TSGA10IP: variants seen among roughly 807,000 people sequenced by gnomAD.
TSGA10IP encodes the protein testis specific 10 interacting protein, also known as testis-specific protein 10-interacting protein.
TSGA10IP carries 64 observed loss-of-function variants against 63.2 expected under a neutral mutation model. The observed-to-expected ratio is 1.01, with a 90% confidence interval of 0.83 to 1.25. TSGA10IP has a LOEUF of 1.25. Among genes scored for constraint, TSGA10IP ranks in the 50% most tolerant of loss-of-function variants. The pLI is 0.00. For synonymous variants in TSGA10IP, 316 were observed against 298.3 expected, an observed-to-expected ratio of 1.06 and a Z score of -0.61; for missense variants, 681 against 710.1, an observed-to-expected ratio of 0.96 and a Z score of 0.47.
chr11:65,947,216 G>T, exon 3 of TSGA10IP: 1 of 1,608,136 alleles, frequency 6.2e-7, no homozygotes, highest in Non-Finnish European at 8.5e-7. Flanking sequence ...CCCAACCCCT[G>T]GCCACCAAGC....
At chr11:65,957,283 T>A (rs1184144949) in intron 5 of TSGA10IP, among the ~76,000 whole-genome samples, 1 of 152,166 alleles carries the variant, frequency 6.6e-6, no homozygotes, top group South Asian at 2.1e-4. Flanking sequence ...CCCAAGTAGC[T>A]GGGATTACAG....
At chr11:65,950,560 AT>A (rs35025045) in intron 4 of TSGA10IP, among the ~76,000 whole-genome samples, 3,271 of 141,836 alleles carry the variant, frequency 0.023, 25 homozygotes, top group Non-Finnish European at 0.026. Context: ...TGCCTGGCTA[AT>A]TTTTTTTTTT....
chr11:65,953,034 T>C (rs1309330), intron 4 of TSGA10IP, among the ~76,000 whole-genome samples: 2,073 of 146,776 alleles, frequency 0.014, 50 homozygotes, highest in African/African-American at 0.05. Context: ...TTCTTTCTTT[T>C]TTTTTTTTTT....
chr11:65,955,649 G>A (rs1344969949), intron 5 of TSGA10IP, among the ~76,000 whole-genome samples: 1 of 152,008 alleles, frequency 6.6e-6, no homozygotes, highest in Non-Finnish European at 1.5e-5. Context: ...GATGCACGAG[G>A]GCACAGGGGC....
chr11:65,953,087 A>G (rs1038808153), intron 4 of TSGA10IP, among the ~76,000 whole-genome samples: 2 of 148,618 alleles, frequency 1.3e-5, no homozygotes, highest in Admixed American at 1.3e-4. Flanking sequence ...CTGGAGTACA[A>G]TGGCGTGGTC....
intron 5 of TSGA10IP, among the ~76,000 whole-genome samples, chr11:65,955,541 A>G (rs1590625928): frequency 6.6e-6 from 1 of 151,296 alleles, no homozygotes; most frequent in Non-Finnish European, 1.5e-5. Flanking sequence ...TGAACCCGGG[A>G]GGCGGAGGTT....
At chr11:65,957,961 T>A (rs1166031897) in intron 5 of TSGA10IP, among the ~76,000 whole-genome samples, 1 of 152,170 alleles carries the variant, frequency 6.6e-6, no homozygotes, top group African/African-American at 2.4e-5. Flanking sequence ...AAACTGGGTT[T>A]TGGGTTTTTT....
Position 65,959,861 on chromosome 11 carries a change from G to A in TSGA10IP, c.1592G>A (p.Arg531Lys), listed in dbSNP as rs1486158859. Residue 531 changes from arginine to lysine, a missense_variant, in exon 8 of 8, where the codon AGG (arginine) becomes AAG (lysine). Physicochemically the swap from Arg to Lys is conservative, Grantham distance 26. Transcript: ENST00000532620. ...GTGAGAATGGAGCACTCTCCTCAGA[G>A]GCCCCCAAGGACAGAACCCACCGGC... 13 of 1,598,882 alleles carry A rather than the reference G, an allele frequency of 8.1e-6. No homozygotes were observed. In the South Asian group the frequency reaches 1.5e-4, roughly 18 times the overall value.
Position 65,947,997 on chromosome 11 carries a change from G to C in TSGA10IP, c.1004-4G>C, listed in dbSNP as rs964102436. The C allele has an allele frequency of 2.6e-6, 4 of 1,557,238 alleles. No individual in the cohort carries two copies. The Admixed American group carries it at 7.8e-5, about 30-fold the overall frequency. ...AGCCCCTGACTTGGTCCCACTGTGG[G>C]CAGGCCCCCAAAAGCTGCCCTGGAA... On this transcript the variant is annotated splice_polypyrimidine_tract_variant and splice_region_variant and intron_variant, in intron 3 of 7. Transcript: ENST00000532620.
At chr11:65,945,974 G>A (rs1854824345) in intron 1 of TSGA10IP, 152 bp downstream of exon 1, 3 of 891,754 alleles carry the variant, frequency 3.4e-6, no homozygotes, top group South Asian at 1.7e-5. Context: ...ACCACAGGGA[G>A]GCCTAAGGGC....
chr11:65,954,197 G>A (rs756027685), intron 5 of TSGA10IP, among the ~76,000 whole-genome samples: 16 of 146,748 alleles, frequency 1.1e-4, no homozygotes, highest in Non-Finnish European at 2.1e-4. Flanking sequence ...ACGGAGTCTC[G>A]CTCTGTCGCC....
exon 1 of TSGA10IP, chr11:65,945,750 C>A: frequency 1.2e-6 from 2 of 1,613,078 alleles, no homozygotes; most frequent in Non-Finnish European, 8.5e-7. Context: ...CAGGGCAGGA[C>A]GTGCGGCTCC....
chr11:65,945,537 G>A (rs1854809050), exon 1 of TSGA10IP: 6 of 913,562 alleles, frequency 6.6e-6, no homozygotes, highest in Non-Finnish European at 9.8e-6. Context: ...CTCTCTCCCA[G>A]AAGGAGATTG....
At chr11:65,947,887 C>A in intron 3 of TSGA10IP, 59 bp downstream of exon 3, 2 of 1,508,056 alleles carry the variant, frequency 1.3e-6, no homozygotes, top group East Asian at 2.5e-5. Flanking sequence ...GAACAGGGAG[C>A]AGTCAGGGAG....
intron 4 of TSGA10IP, among the ~76,000 whole-genome samples, chr11:65,950,383 T>A (rs781302392): frequency 7.9e-5 from 12 of 151,634 alleles, no homozygotes; most frequent in Admixed American, 4.0e-4. Context: ...CTTCTATGAG[T>A]TTGACTTTAT....
At chr11:65,957,387 GA>G (rs1855042885) in intron 5 of TSGA10IP, among the ~76,000 whole-genome samples, 1 of 152,176 alleles carries the variant, frequency 6.6e-6, no homozygotes, top group Non-Finnish European at 1.5e-5. Flanking sequence ...CTGACCTCGA[GA>G]TCTGCCCGCC....
chr11:65,951,877 C>G lies in TSGA10IP; in HGVS notation c.1152-1690C>G, dbSNP rs192250774. Among the ~76,000 whole-genome samples the G allele has an allele frequency of 1.9e-3, 286 of 148,218 alleles. 2 individuals carry two copies. The highest frequency in any genetic ancestry group is 2.5e-3 in the Non-Finnish European group (170 of 67,274). On this transcript the variant is annotated intron_variant, in intron 4 of 7. Transcript: ENST00000532620. ...CCTTTTTTTTTTTTTTGAGATGGAG[C>G]CTCACTTCGTCACCCAGGATGGAGT...
chr11:65,953,578 A>G (rs1458598879), exon 5 of TSGA10IP: 3 of 1,586,516 alleles, frequency 1.9e-6, no homozygotes, highest in Non-Finnish European at 2.6e-6. Context: ...AGCCTGCTGC[A>G]GGCCTGGGAG....
chr11:65,953,707 G>A (rs757550270), exon 5 of TSGA10IP: 4 of 1,566,566 alleles, frequency 2.6e-6, no homozygotes, highest in African/African-American at 2.8e-5. Context: ...CGGGGCCCTG[G>A]GGCGGCCCAG....
Sources: gnomAD v4.1 joint callset for allele counts (sites outside exome capture counted in the v4.1 genomes callset) on GRCh38, gnomAD v4.1.1 for gene constraint, MANE v1.5 for transcripts, NCBI Gene and HGNC (gene_info 2026-07-23, HGNC 2026-07-21) for gene names.